The following MYO16 variants were observed in gnomAD, a reference collection of about 807,000 sequenced individuals.
The protein encoded by MYO16 is unconventional myosin-XVI.
In MYO16, 94 loss-of-function variants were observed where a neutral mutation model predicts 205.3. The observed-to-expected ratio is 0.46, with a 90% CI of 0.39 to 0.54. The LOEUF is 0.54. Among genes scored for constraint, MYO16 ranks in the 20% least tolerant of loss-of-function variants. MYO16 has a pLI of 0.00. For synonymous variants in MYO16, 988 were observed against 954.0 expected, an observed-to-expected ratio of 1.04 and a Z score of -0.66; for missense variants, 2,315 against 2,387.5, an observed-to-expected ratio of 0.97 and a Z score of 0.63.
At chr13:109,173,887 CAAAAAAAAAAAAAA>C (rs778094207) in intron 33 of MYO16, among the ~76,000 whole-genome samples, 1 of 29,108 alleles carries the variant, frequency 3.4e-5, no homozygotes, top group East Asian at 1.1e-3. Flanking sequence ...GACTCCATCT[CAAAAAAAAAAAAAA>C]AAAAAAAAAA....
intron 10 of MYO16, among the ~76,000 whole-genome samples, chr13:108,851,695 C>T (rs1877876335): frequency 6.6e-6 from 1 of 152,086 alleles, no homozygotes; most frequent in Admixed American, 6.5e-5. Flanking sequence ...AAAGTCCAAT[C>T]CATTCCTCCT....
At chr13:108,743,889 G>A (rs543724338) in intron 4 of MYO16, among the ~76,000 whole-genome samples, 6 of 152,160 alleles carry the variant, frequency 3.9e-5, no homozygotes, top group Non-Finnish European at 8.8e-5. Flanking sequence ...ACAATTCCTA[G>A]GTTAAATACT....
chr13:108,668,299 A>G (rs1881829748), intron 2 of MYO16, among the ~76,000 whole-genome samples: 1 of 152,182 alleles, frequency 6.6e-6, no homozygotes, highest in Non-Finnish European at 1.5e-5. Flanking sequence ...GCAAGAGATG[A>G]TGGTGGCTTG....
At position 108,759,746 on chromosome 13, in the gene MYO16, A is replaced by G. The variant is rs569139109; in HGVS notation, c.508-25889A>G. ...TAAGGCAGGAGAATGGCGTGAACCCAGGAGGCGGAGTTGCAGTGAGCCGAG... is the reference window on the plus strand; with the variant it reads ...TAAGGCAGGAGAATGGCGTGAACCCGGGAGGCGGAGTTGCAGTGAGCCGAG... On this transcript the variant is annotated intron_variant, in intron 4 of 34. Coordinates refer to ENST00000457511, the MANE Select transcript of MYO16 (RefSeq NM_001198950.3). 1.2e-3 allele frequency among the ~76,000 whole-genome samples: 183 copies of G among 151,454 alleles called. 1 individual carries two copies. The highest frequency in any genetic ancestry group is 9.2e-3 in the South Asian group (44 of 4,764).
chr13:108,987,407 A>G (rs1245846028), intron 20 of MYO16, among the ~76,000 whole-genome samples: 1 of 152,208 alleles, frequency 6.6e-6, no homozygotes, highest in African/African-American at 2.4e-5. Flanking sequence ...CTCATAGACT[A>G]AAAAACACCC....
At chr13:109,022,226 T>A (rs1886057977) in intron 23 of MYO16, among the ~76,000 whole-genome samples, 1 of 136,438 alleles carries the variant, frequency 7.3e-6, no homozygotes, top group East Asian at 2.0e-4. Flanking sequence ...ATTTATATAT[T>A]ATATATATGT....
At chr13:108,558,982 T>C in the MYO16 span, among the ~76,000 whole-genome samples, 1 of 119,846 alleles carries the variant, frequency 8.3e-6, no homozygotes, top group African/African-American at 3.3e-5. Flanking sequence ...GATGAGATGT[T>C]GATTTTTTTT....
intron 12 of MYO16, among the ~76,000 whole-genome samples, chr13:108,874,696 CATTATTATTATTATTATT>C (rs34831399): frequency 9.4e-6 from 1 of 106,848 alleles, no homozygotes; most frequent in South Asian, 2.8e-4. Flanking sequence ...TCATCATCAT[CATTATTATTATTATTATT>C]ATTATTATTA....
chr13:108,637,645 C>T (rs772944543), intron 1 of MYO16, among the ~76,000 whole-genome samples: 6 of 152,014 alleles, frequency 3.9e-5, no homozygotes, highest in South Asian at 4.1e-4. Flanking sequence ...GAGGCCAAGG[C>T]GGGCAGATCA....
intron 11 of MYO16, among the ~76,000 whole-genome samples, chr13:108,857,641 A>C (rs1878251050): frequency 6.6e-6 from 1 of 152,154 alleles, no homozygotes; most frequent in Admixed American, 6.5e-5. Context: ...CACAATTGCT[A>C]TTTTTGCATT....
chr13:108,756,391 G>T (rs1455660304), intron 4 of MYO16, among the ~76,000 whole-genome samples: 1 of 151,976 alleles, frequency 6.6e-6, no homozygotes, highest in Non-Finnish European at 1.5e-5. Context: ...TTTTTACCTG[G>T]GTTTCATAAC....
chr13:108,679,547 C>A (rs1325454622), intron 2 of MYO16, among the ~76,000 whole-genome samples: 1 of 151,792 alleles, frequency 6.6e-6, no homozygotes, highest in African/African-American at 2.4e-5. Flanking sequence ...ATACGGGGAC[C>A]CTCAGTCCCC....
chr13:109,117,967 A>C (rs1875806602), intron 28 of MYO16, among the ~76,000 whole-genome samples: 1 of 152,154 alleles, frequency 6.6e-6, no homozygotes, highest in Non-Finnish European at 1.5e-5. Context: ...CACCAATTAC[A>C]GATGTAGCCT....
intron 4 of MYO16, among the ~76,000 whole-genome samples, chr13:108,759,509 G>A (rs892745359): frequency 6.6e-6 from 1 of 152,132 alleles, no homozygotes; most frequent in Non-Finnish European, 1.5e-5. Flanking sequence ...AAAGAAATGA[G>A]GTGAACAAAG....
intron 33 of MYO16, among the ~76,000 whole-genome samples, chr13:109,176,815 C>T (rs564684053): frequency 6.6e-5 from 10 of 152,058 alleles, no homozygotes; most frequent in African/African-American, 1.4e-4. Flanking sequence ...CCTCCCTCCC[C>T]GCTGTCCTCA....
At chr13:108,504,966 G>A in the MYO16 span, among the ~76,000 whole-genome samples, 1 of 152,238 alleles carries the variant, frequency 6.6e-6, no homozygotes, top group East Asian at 1.9e-4. Flanking sequence ...ATTCATCTAT[G>A]TTCTAGTCTA....
chr13:108,576,840 C>A, the MYO16 span, among the ~76,000 whole-genome samples: 1 of 152,078 alleles, frequency 6.6e-6, no homozygotes, highest in Non-Finnish European at 1.5e-5. Flanking sequence ...CGGTTCACTG[C>A]AGCCCCAACT....
the MYO16 span, among the ~76,000 whole-genome samples, chr13:108,525,204 C>G: frequency 6.6e-6 from 1 of 152,054 alleles, no homozygotes; most frequent in East Asian, 1.9e-4. Flanking sequence ...TCACTTACCT[C>G]AAAAAATACA....
At chr13:108,821,053 C>T (rs1458703892) in intron 8 of MYO16, among the ~76,000 whole-genome samples, 3 of 151,246 alleles carry the variant, frequency 2.0e-5, no homozygotes, top group African/African-American at 7.3e-5. Context: ...ATTATTTTTG[C>T]AATAGTAAAA....
Sources: allele counts gnomAD v4.1 joint callset (sites outside exome capture counted in the v4.1 genomes callset), GRCh38; gene constraint gnomAD v4.1.1; transcripts MANE v1.5; gene names NCBI Gene and HGNC (gene_info 2026-07-23, HGNC 2026-07-21).